The following ADK variants were observed in gnomAD, a reference collection of about 807,000 sequenced individuals.
The protein encoded by ADK is N6,N6-dimethyladenosine kinase.
A neutral mutation model predicts 44.7 loss-of-function variants in ADK; 24 were observed. The observed-to-expected ratio is 0.54, with a 90% CI of 0.39 to 0.76. The LOEUF (loss-of-function observed/expected upper bound fraction) is 0.76. ADK is among the 30% of genes least tolerant of loss of function. The pLI, the probability that ADK is intolerant of heterozygous loss-of-function variation, is 0.00. For synonymous variants in ADK, 128 were observed against 142.6 expected (o/e 0.90, Z 0.73); for missense variants, 321 against 425.1 (o/e 0.76, Z 2.15).
intron 6 of ADK, among the ~76,000 whole-genome samples, chr10:74,452,715 C>T (rs1406859492): frequency 6.6e-6 from 1 of 151,834 alleles, no homozygotes; most frequent in African/African-American, 2.4e-5. Context: ...GAACATTTCC[C>T]TATTGGACTA....
At chr10:74,619,198 T>A (rs1028310668) in intron 9 of ADK, among the ~76,000 whole-genome samples, 3 of 152,136 alleles carry the variant, frequency 2.0e-5, no homozygotes, top group Non-Finnish European at 4.4e-5. Flanking sequence ...CTCATGCCTG[T>A]AATCCCAGCA....
At chr10:74,175,009 A>T (rs1842282932) in intron 1 of ADK, among the ~76,000 whole-genome samples, 1 of 152,232 alleles carries the variant, frequency 6.6e-6, no homozygotes, top group African/African-American at 2.4e-5. Flanking sequence ...GGACAGTGAT[A>T]GGTAAAGCTA....
chr10:74,271,375 A>G (rs1846421801), intron 3 of ADK, among the ~76,000 whole-genome samples: 1 of 151,994 alleles, frequency 6.6e-6, no homozygotes. Context: ...TTACATTTAT[A>G]TTCAGGTATA....
At chr10:74,548,147 G>A (rs1849905458) in intron 7 of ADK, among the ~76,000 whole-genome samples, 1 of 151,858 alleles carries the variant, frequency 6.6e-6, no homozygotes, top group African/African-American at 2.4e-5. Context: ...TTATAATTTT[G>A]GATTGCTGTA....
intron 9 of ADK, among the ~76,000 whole-genome samples, chr10:74,617,428 A>G (rs572452475): frequency 2.6e-5 from 4 of 152,302 alleles, no homozygotes; most frequent in Non-Finnish European, 4.4e-5. Context: ...ATTTCATCAG[A>G]TAATGTTTTT....
At chr10:74,537,423 A>T (rs372865670) in intron 7 of ADK, among the ~76,000 whole-genome samples, 31 of 152,310 alleles carry the variant, frequency 2.0e-4, no homozygotes, top group African/African-American at 7.5e-4. Context: ...TTCAGCAACA[A>T]CCATTTGTTA....
chr10:74,438,796 G>A (rs1845283651), intron 6 of ADK, among the ~76,000 whole-genome samples: 1 of 151,742 alleles, frequency 6.6e-6, no homozygotes, highest in Admixed American at 6.6e-5. Context: ...ATTTTATATG[G>A]ACATGTTTCA....
intron 1 of ADK, among the ~76,000 whole-genome samples, chr10:74,194,460 T>C (rs1843053055): frequency 6.6e-6 from 1 of 152,198 alleles, no homozygotes; most frequent in Non-Finnish European, 1.5e-5. Context: ...ATCTTAGATA[T>C]GATGAAATAT....
chr10:74,284,955 T>C (rs1847101626), intron 3 of ADK, among the ~76,000 whole-genome samples: 1 of 152,234 alleles, frequency 6.6e-6, no homozygotes, highest in South Asian at 2.1e-4. Context: ...AAGTGAATAT[T>C]AGGGTGCTTA....
intron 2 of ADK, among the ~76,000 whole-genome samples, chr10:74,207,709 G>A (rs970569695): frequency 1.3e-5 from 2 of 152,142 alleles, no homozygotes; most frequent in Non-Finnish European, 2.9e-5. Context: ...GTCCATGGGC[G>A]GCTATGGGTG....
intron 4 of ADK, among the ~76,000 whole-genome samples, chr10:74,392,164 G>T (rs1475256428): frequency 2.6e-5 from 4 of 152,068 alleles, no homozygotes; most frequent in African/African-American, 9.7e-5. Flanking sequence ...GAATTCTTTT[G>T]ACTGTATACC....
chr10:74,173,186 G>T (rs536527162), intron 1 of ADK, among the ~76,000 whole-genome samples: 112 of 150,878 alleles, frequency 7.4e-4, no homozygotes, highest in African/African-American at 2.7e-3. Context: ...TCCACCTTGG[G>T]TTCACACCAT....
At chr10:74,620,268 T>A (rs556416702) in intron 9 of ADK, among the ~76,000 whole-genome samples, 49 of 152,334 alleles carry the variant, frequency 3.2e-4, no homozygotes, top group South Asian at 8.3e-4. Flanking sequence ...TATTGCCTCC[T>A]CCTTCTTACC....
At chr10:74,180,232 ATTGTT>A (rs1564575614) in intron 1 of ADK, among the ~76,000 whole-genome samples, 1 of 142,028 alleles carries the variant, frequency 7.0e-6, no homozygotes, top group African/African-American at 2.6e-5. Context: ...TATTATTATT[ATTGTT>A]ATTATTAATT....
chr10:74,591,098 A>C (rs1851700238), intron 8 of ADK, among the ~76,000 whole-genome samples: 1 of 152,088 alleles, frequency 6.6e-6, no homozygotes, highest in Non-Finnish European at 1.5e-5. Flanking sequence ...ATAGTTTATT[A>C]AGCCTGATTA....
In ADK at chr10:74,191,001, G is replaced by C. The variant is rs570915340; in HGVS notation, c.66-9763G>C. Among the ~76,000 whole-genome samples, 52 of 125,706 alleles carry C rather than the reference G, an allele frequency of 4.1e-4. 2 individuals are homozygous for C. Among genetic ancestry groups the C allele is most frequent in the East Asian group, 4.1e-3 (19 of 4,626 alleles). 82.5% of individuals were successfully genotyped at this position (125,706 alleles called of 152,430 possible). On this transcript the variant is annotated intron_variant, in intron 1 of 10. Transcript: ENST00000539909. ...TTTGACTTTTTTTTTTTTTTTTTGA[G>C]ATGCAGTCTTGCATTGTCGCCCAGG...
At chr10:74,617,419 T>C (rs552367181) in intron 9 of ADK, among the ~76,000 whole-genome samples, 10 of 152,230 alleles carry the variant, frequency 6.6e-5, no homozygotes, top group Non-Finnish European at 1.3e-4. Context: ...AGTTGTTGTA[T>C]TTCATCAGAT....
intron 2 of ADK, among the ~76,000 whole-genome samples, chr10:74,223,079 C>G (rs543739481): frequency 2.4e-4 from 37 of 151,932 alleles, no homozygotes; most frequent in Non-Finnish European, 4.9e-4. Context: ...ATACCTGAAA[C>G]TGGGTATTTT....
At chr10:74,316,653 C>T (rs777491154) in intron 4 of ADK, among the ~76,000 whole-genome samples, 13 of 152,156 alleles carry the variant, frequency 8.5e-5, no homozygotes, top group Non-Finnish European at 1.6e-4. Flanking sequence ...TGTGAGTCAA[C>T]TAAAACTTTT....
Sources: gnomAD v4.1 joint callset for allele counts (sites outside exome capture counted in the v4.1 genomes callset) on GRCh38, gnomAD v4.1.1 for gene constraint, MANE v1.5 for transcripts, NCBI Gene and HGNC (gene_info 2026-07-23, HGNC 2026-07-21) for gene names.